The following GRB10 variants were observed in gnomAD, a reference collection of about 807,000 sequenced individuals.
The protein encoded by GRB10 is growth factor receptor-bound protein 10.
In GRB10, 20 loss-of-function variants were observed where a neutral mutation model predicts 80.9. The ratio of observed to expected loss-of-function variants is 0.25; its 90% confidence interval spans 0.17 to 0.36. The LOEUF is 0.36. Among genes scored for constraint, GRB10 ranks in the 10% least tolerant of loss-of-function variants. GRB10 has a pLI of 1.00. For synonymous variants in GRB10, 291 were observed against 291.5 expected (o/e 1.00, Z 0.02); for missense variants, 548 against 747.7 (o/e 0.73, Z 3.12).
intron 4 of GRB10, among the ~76,000 whole-genome samples, chr7:50,705,713 C>T (rs1332844664): frequency 1.3e-5 from 2 of 152,210 alleles, no homozygotes; most frequent in African/African-American, 2.4e-5. Context: ...TCATCTCCAT[C>T]AGCACTCTAG....
chr7:50,616,751 G>A (rs904282487), intron 10 of GRB10, among the ~76,000 whole-genome samples: 1 of 152,210 alleles, frequency 6.6e-6, no homozygotes, highest in South Asian at 2.1e-4. Flanking sequence ...CACATAAAAG[G>A]TGTCATGTGT....
Position 50,699,279 on chromosome 7 carries a change from T to G in GRB10, c.139+4542A>C, listed in dbSNP as rs1405682674. ...TTAGTTTCTTCATTTGCTTCTTTTA[T>G]TACACTAAGACCTCCAGTGACAGCA... On this transcript the variant is annotated intron_variant, in intron 5 of 18. Coordinates refer to ENST00000401949, the MANE Select transcript of GRB10 (RefSeq NM_001350814.2). Among the ~76,000 whole-genome samples, 4 of 152,248 alleles carry G rather than the reference T, an allele frequency of 2.6e-5. No homozygotes were observed. In the East Asian group the frequency reaches 5.8e-4, roughly 22 times the overall value.
intron 7 of GRB10, among the ~76,000 whole-genome samples, chr7:50,638,416 A>T (rs2055482550): frequency 6.6e-6 from 1 of 152,218 alleles, no homozygotes; most frequent in African/African-American, 2.4e-5. Flanking sequence ...CAATCCCATT[A>T]AAAAATGGGC....
intron 4 of GRB10, among the ~76,000 whole-genome samples, chr7:50,720,549 G>A (rs1046804167): frequency 6.6e-6 from 1 of 152,128 alleles, no homozygotes; most frequent in Non-Finnish European, 1.5e-5. Context: ...GGGGAGCCCA[G>A]CACATATGGC....
intron 4 of GRB10, among the ~76,000 whole-genome samples, chr7:50,721,546 A>C (rs2067751490): frequency 6.6e-6 from 1 of 152,044 alleles, no homozygotes; most frequent in African/African-American, 2.4e-5. Context: ...AAGTGAGCCC[A>C]CCCCACCTGC....
intron 3 of GRB10, among the ~76,000 whole-genome samples, chr7:50,742,745 G>A (rs74418381): frequency 6.6e-6 from 1 of 151,852 alleles, no homozygotes; most frequent in African/African-American, 2.4e-5. Flanking sequence ...GGGGTGGGGG[G>A]TAATAGTGTT....
intron 7 of GRB10, among the ~76,000 whole-genome samples, chr7:50,656,237 G>T (rs2058632718): frequency 6.6e-6 from 1 of 152,204 alleles, no homozygotes; most frequent in Admixed American, 6.5e-5. Context: ...CATGTGAGGG[G>T]TTTAGACAAG....
intron 7 of GRB10, among the ~76,000 whole-genome samples, chr7:50,628,055 G>T (rs2053293810): frequency 6.6e-6 from 1 of 152,208 alleles, no homozygotes; most frequent in South Asian, 2.1e-4. Flanking sequence ...GGACTTGGGG[G>T]TGAGGACGCC....
At chr7:50,673,184 C>G (rs750188262) in intron 6 of GRB10, among the ~76,000 whole-genome samples, 4 of 152,174 alleles carry the variant, frequency 2.6e-5, no homozygotes, top group Non-Finnish European at 5.9e-5. Flanking sequence ...GGTGCTGAGA[C>G]AGAAGGCACC....
At chr7:50,627,008 T>A in intron 7 of GRB10, 30 bp from the exon 8 acceptor site, 1 of 1,611,022 alleles carries the variant, frequency 6.2e-7, no homozygotes. Flanking sequence ...TAGTTACAGA[T>A]AAACAACTTC....
At chr7:50,673,788 A>C (rs1182571739) in intron 6 of GRB10, among the ~76,000 whole-genome samples, 1 of 152,164 alleles carries the variant, frequency 6.6e-6, no homozygotes, top group Admixed American at 6.5e-5. Context: ...AAAAAGGCAC[A>C]CAAAGTGCTT....
chr7:50,645,345 C>T (rs375647785), intron 7 of GRB10, among the ~76,000 whole-genome samples: 24 of 152,270 alleles, frequency 1.6e-4, no homozygotes, highest in African/African-American at 5.8e-4. Context: ...AGCCCTTGGA[C>T]TCCCAGCCTG....
intron 7 of GRB10, among the ~76,000 whole-genome samples, chr7:50,647,017 A>G (rs946126061): frequency 6.6e-6 from 1 of 152,254 alleles, no homozygotes; most frequent in Non-Finnish European, 1.5e-5. Flanking sequence ...CTAACTAAAA[A>G]GAGGCAGAAA....
intron 7 of GRB10, among the ~76,000 whole-genome samples, chr7:50,656,359 C>A (rs1267497149): frequency 6.6e-6 from 1 of 152,058 alleles, no homozygotes; most frequent in East Asian, 1.9e-4. Flanking sequence ...TGCTGCACAG[C>A]TGAAAAAGAC....
chr7:50,708,606 GTC>G (rs2065362257), intron 4 of GRB10, among the ~76,000 whole-genome samples: 2 of 151,540 alleles, frequency 1.3e-5, no homozygotes, highest in South Asian at 4.2e-4. Flanking sequence ...TTGTCTGTGT[GTC>G]TGTTTCCCAG....
chr7:50,695,823 T>A (rs575149763), intron 5 of GRB10, among the ~76,000 whole-genome samples: 1 of 152,114 alleles, frequency 6.6e-6, no homozygotes, highest in African/African-American at 2.4e-5. Flanking sequence ...TTATGAAAAA[T>A]TGTTACATTT....
At chr7:50,770,072 C>T (rs1028068308) in intron 2 of GRB10, among the ~76,000 whole-genome samples, 6 of 152,182 alleles carry the variant, frequency 3.9e-5, no homozygotes. Context: ...AGCCCCCACA[C>T]TCAAGCTGTG....
intron 2 of GRB10, among the ~76,000 whole-genome samples, chr7:50,776,062 T>C (rs1429542013): frequency 6.6e-6 from 1 of 152,196 alleles, no homozygotes; most frequent in South Asian, 2.1e-4. Flanking sequence ...TTCAGGATCA[T>C]TCTTCCATTA....
intron 5 of GRB10, among the ~76,000 whole-genome samples, chr7:50,695,200 T>A (rs1388102888): frequency 6.6e-6 from 1 of 152,202 alleles, no homozygotes; most frequent in Non-Finnish European, 1.5e-5. Flanking sequence ...GTGAAATAAG[T>A]CAACTTCCTC....
Sources: allele counts gnomAD v4.1 joint callset (sites outside exome capture counted in the v4.1 genomes callset), GRCh38; gene constraint gnomAD v4.1.1; transcripts MANE v1.5; gene names NCBI Gene and HGNC (gene_info 2026-07-23, HGNC 2026-07-21).